TFEB: variants seen among roughly 807,000 people sequenced by gnomAD.
TFEB encodes T-cell transcription factor EB.
Under a neutral mutation model 48.0 loss-of-function variants are expected in TFEB, and 12 were observed. The observed-to-expected ratio is 0.25, with a 90% CI of 0.16 to 0.40. The LOEUF is 0.40. Ranked by LOEUF, TFEB falls within the 10% of genes least tolerant of loss-of-function variation. TFEB has a pLI of 1.00. For missense variants in TFEB, 509 were observed against 640.3 expected, an observed-to-expected ratio of 0.79 and a Z score of 2.21; for synonymous variants, 244 against 261.4, an observed-to-expected ratio of 0.93 and a Z score of 0.64.
rs763831984 is a variant in TFEB at position 41,690,644 on chromosome 6, T to G, written c.468+19A>C. 4 of 1,501,740 alleles carry G rather than the reference T, an allele frequency of 2.7e-6. No individual in the cohort carries two copies. The highest frequency in any genetic ancestry group is 3.6e-6 in the Non-Finnish European group (4 of 1,122,828). 93.0% of individuals were successfully genotyped at this position (1,501,740 alleles called of 1,614,324 possible). On this transcript the variant is annotated intron_variant, in intron 3 of 8. Coordinates refer to ENST00000373033, the MANE Select transcript of TFEB (RefSeq NM_001271944.2). The stretch of plus-strand genomic sequence containing the variant: ...CGAGCTCTGCAAGCAGCATGGCCAC[T>G]GGCCAGCTCCTCACTCACCTCCCTC...
At chr6:41,698,110 A>G (rs1055792311) in intron 1 of TFEB, among the ~76,000 whole-genome samples, 3 of 152,248 alleles carry the variant, frequency 2.0e-5, no homozygotes, top group Non-Finnish European at 4.4e-5. Context: ...TGTTCAAAGC[A>G]CCTTATGTAA....
chr6:41,687,630 T>C (rs879694249), intron 6 of TFEB, 123 bp downstream of exon 6: 14 of 1,251,760 alleles, frequency 1.1e-5, no homozygotes, highest in Non-Finnish European at 1.6e-5. Flanking sequence ...TTAAGCCATC[T>C]GCAAGTGAAT....
intron 1 of TFEB, among the ~76,000 whole-genome samples, chr6:41,729,826 C>T (rs936805158): frequency 2.0e-5 from 3 of 152,336 alleles, no homozygotes; most frequent in Non-Finnish European, 2.9e-5. Flanking sequence ...CAAAAGGGGA[C>T]AGGCCTACCA....
At chr6:41,713,602 G>A (rs9462740) in intron 1 of TFEB, among the ~76,000 whole-genome samples, 65,176 of 151,822 alleles carry the variant, frequency 0.43, 15,220 homozygotes, top group African/African-American at 0.62. Context: ...GGTCTGAGGC[G>A]AGGAAGGAGG....
At chr6:41,690,038 C>T (rs1175498766) in intron 3 of TFEB, among the ~76,000 whole-genome samples, 1 of 152,186 alleles carries the variant, frequency 6.6e-6, no homozygotes, top group Non-Finnish European at 1.5e-5. Context: ...CAGGGAGCTT[C>T]CTTGATCTCA....
chr6:41,731,740 G>A (rs143078783), intron 1 of TFEB, among the ~76,000 whole-genome samples: 71 of 152,346 alleles, frequency 4.7e-4, no homozygotes, highest in African/African-American at 1.6e-3. Context: ...CTGCACATCT[G>A]ATTAAACAAG....
chr6:41,700,845 C>T (rs1769881123), intron 1 of TFEB, among the ~76,000 whole-genome samples: 1 of 152,232 alleles, frequency 6.6e-6, no homozygotes, highest in South Asian at 2.1e-4. Context: ...GAACTGGCGC[C>T]TCCTGGCTGG....
chr6:41,709,268 T>C (rs1340505744), intron 1 of TFEB, among the ~76,000 whole-genome samples: 1 of 151,982 alleles, frequency 6.6e-6, no homozygotes, highest in East Asian at 1.9e-4. Flanking sequence ...GAATCCCAGA[T>C]CTGTCACTTT....
Position 41,687,993 on chromosome 6 carries a change from G to A in TFEB, c.585C>T (p.Ser195=). Residue 195 remains serine, a synonymous_variant, in exon 5 of 9, where the codon AGC becomes AGT. Coordinates refer to ENST00000373033, the MANE Select transcript of TFEB (RefSeq NM_001271944.2). ...PLSSSHLNVY[S]SDPQVTASLV... The stretch of plus-strand genomic sequence containing the variant: ...GGGAGGCTGTGACCTGGGGGTCGCT[G>A]CTGTACACATTCAGGTGGCTGCTGG... 6.2e-7 allele frequency: 1 copy of A among 1,613,606 alleles called. No homozygotes were observed. Among genetic ancestry groups the A allele is most frequent in the African/African-American group, 1.3e-5 (1 of 75,016 alleles).
chr6:41,693,163 G>T (rs1467460126), intron 1 of TFEB, among the ~76,000 whole-genome samples: 1 of 152,222 alleles, frequency 6.6e-6, no homozygotes, highest in African/African-American at 2.4e-5. Flanking sequence ...GACCTCAGGG[G>T]ATAGCAAAGG....
In TFEB at chr6:41,720,937, T is replaced by G. The variant is rs577304737; in HGVS notation, c.-23+14413A>C. On this transcript the variant is annotated intron_variant, in intron 1 of 8. Coordinates refer to ENST00000373033, the MANE Select transcript of TFEB (RefSeq NM_001271944.2). This position sits in a 1 kb window ranked among gnomAD's most constrained non-coding sequence, Gnocchi z 4.1. ...ACCCAACCCCCTGCTCCAGCAAGCA[T>G]GGGCAGCTCCTGCCAGGCCTGACCC... is the stretch of plus-strand genomic sequence containing the variant. 1.5e-3 allele frequency among the ~76,000 whole-genome samples: 230 copies of G among 152,320 alleles called. 1 individual carries two copies. The highest frequency in any genetic ancestry group is 5.3e-3 in the African/African-American group (221 of 41,564).
At chr6:41,732,752 A>G in intron 1 of TFEB, 1 of 985,902 alleles carries the variant, frequency 1.0e-6, no homozygotes, top group Non-Finnish European at 1.2e-6. Context: ...GTACATGCAT[A>G]TATGTTCACT....
At position 41,684,111 on chromosome 6, in the gene TFEB, G is replaced by A. The variant is rs1191142383; in HGVS notation, c.*488C>T. 4.3e-6 allele frequency: 1 copy of A among 232,896 alleles called. No individual in the cohort carries two copies. The highest frequency in any genetic ancestry group is 8.5e-6 in the Non-Finnish European group (1 of 117,706). The allele number at this position is 232,896 out of a possible 1,614,324, so 14.4% of individuals were successfully genotyped here. A position where few individuals can be genotyped will look rare whatever the true frequency, so the allele number is the denominator to read the frequency against. On this transcript the variant is annotated 3_prime_UTR_variant, in exon 9 of 9. Transcript: ENST00000373033. Reference sequence around the variant, plus strand: ...GTGGAGAGCTATTAGCACCAAAGTGGGGGGTGCCCACCTGTGGGAGAGCCG... The same window carrying A: ...GTGGAGAGCTATTAGCACCAAAGTGAGGGGTGCCCACCTGTGGGAGAGCCG...
chr6:41,726,187 T>C (rs1469289225), intron 1 of TFEB, among the ~76,000 whole-genome samples: 1 of 152,202 alleles, frequency 6.6e-6, no homozygotes, highest in African/African-American at 2.4e-5. Context: ...CTCTCACAAA[T>C]ACACTGTTGG....
rs1208945001 is a variant in TFEB at position 41,691,377 on chromosome 6, C to T, written c.-22-142G>A. On this transcript the variant is annotated intron_variant, in intron 1 of 8. Coordinates refer to ENST00000373033, the MANE Select transcript of TFEB (RefSeq NM_001271944.2). This position sits in a 1 kb window ranked among gnomAD's most constrained non-coding sequence, Gnocchi z 5.2. ...GAGCCCTGAGAGGGGAAGAGATTTG[C>T]CCAAGGTCACTGAGCAAGCGGGTGA... 2.3e-6 allele frequency: 2 copies of T among 886,026 alleles called. No individual in the cohort carries two copies. The highest frequency in any genetic ancestry group is 1.4e-5 in the South Asian group (1 of 70,142). 54.9% of individuals were successfully genotyped at this position (886,026 alleles called of 1,614,324 possible). A position where few individuals can be genotyped will look rare whatever the true frequency, so the allele number is the denominator to read the frequency against.
chr6:41,735,637 G>A, upstream of TFEB: 3 of 890,860 alleles, frequency 3.4e-6, no homozygotes, highest in Non-Finnish European at 4.0e-6. Context: ...CCGGCAGAGG[G>A]CAGCACCCGC....
intron 1 of TFEB, among the ~76,000 whole-genome samples, chr6:41,712,553 G>C (rs977677185): frequency 1.3e-5 from 2 of 152,184 alleles, no homozygotes; most frequent in African/African-American, 2.4e-5. Context: ...ATAGTTGATA[G>C]TATCCAAAAG....
chr6:41,732,619 C>T (rs1456547196), intron 1 of TFEB: 1 of 985,832 alleles, frequency 1.0e-6, no homozygotes, highest in Non-Finnish European at 1.2e-6. Context: ...AAACCCCACA[C>T]CAACCCAGAA....
intron 1 of TFEB, among the ~76,000 whole-genome samples, chr6:41,698,685 C>T (rs1396719859): frequency 2.6e-5 from 4 of 152,160 alleles, no homozygotes; most frequent in Non-Finnish European, 5.9e-5. Flanking sequence ...CCGGTCAGTC[C>T]TGGGGAAAGA....
Sources: gnomAD v4.1 joint callset for allele counts (sites outside exome capture counted in the v4.1 genomes callset) on GRCh38, gnomAD v4.1.1 for gene constraint, Gnocchi (gnomAD v3.1) non-coding constraint, MANE v1.5 for transcripts, NCBI Gene and HGNC (gene_info 2026-07-23, HGNC 2026-07-21) for gene names.